Variants in HDAC9 observed in about 807,000 individuals in gnomAD.
HDAC9 encodes the protein histone deacetylase 9, also known as MEF-2 interacting transcription repressor (MITR) protein.
HDAC9 carries 41 observed loss-of-function variants against 139.4 expected under a neutral mutation model. The observed-to-expected ratio is 0.29, with a 90% confidence interval of 0.23 to 0.38. The LOEUF (loss-of-function observed/expected upper bound fraction) is 0.38, where lower values mean the gene tolerates loss of function less well. Among genes scored for constraint, HDAC9 ranks in the 10% least tolerant of loss-of-function variants. The pLI, the probability that HDAC9 is intolerant of heterozygous loss-of-function variation, is 1.00. For missense variants in HDAC9, 1,147 were observed against 1,297.0 expected, an observed-to-expected ratio of 0.88 and a Z score of 1.78; for synonymous variants, 517 against 476.2, an observed-to-expected ratio of 1.09 and a Z score of -1.12.
At chr7:18,942,960 A>G (rs984407116) in intron 23 of HDAC9, among the ~76,000 whole-genome samples, 1 of 152,074 alleles carries the variant, frequency 6.6e-6, no homozygotes, top group Non-Finnish European at 1.5e-5. Context: ...AATTAAAGAA[A>G]ATATTGAAAA....
At chr7:18,294,124 C>G (rs143805306) in intron 1 of HDAC9, among the ~76,000 whole-genome samples, 15 of 152,172 alleles carry the variant, frequency 9.9e-5, no homozygotes, top group African/African-American at 3.6e-4. Context: ...TTTGTGCCCT[C>G]AGAAAATTCA....
At chr7:18,985,458 C>A (rs1225830868) in intron 25 of HDAC9, among the ~76,000 whole-genome samples, 4 of 152,134 alleles carry the variant, frequency 2.6e-5, no homozygotes, top group East Asian at 3.9e-4. Flanking sequence ...TTTTCTTAAT[C>A]CAGTCTATCA....
At chr7:18,624,611 T>C (rs1841135076) in intron 6 of HDAC9, among the ~76,000 whole-genome samples, 1 of 152,086 alleles carries the variant, frequency 6.6e-6, no homozygotes, top group African/African-American at 2.4e-5. Flanking sequence ...GATCTTTTTC[T>C]GGGCTCTGAG....
intron 17 of HDAC9, among the ~76,000 whole-genome samples, chr7:18,822,889 A>C (rs1163147415): frequency 6.6e-6 from 1 of 152,206 alleles, no homozygotes; most frequent in African/African-American, 2.4e-5. Context: ...TGGGCAATAA[A>C]ATATTAGATT....
intron 25 of HDAC9, among the ~76,000 whole-genome samples, chr7:18,985,116 A>C (rs1489102203): frequency 6.6e-6 from 1 of 152,030 alleles, no homozygotes; most frequent in Non-Finnish European, 1.5e-5. Context: ...GTACATGTGC[A>C]CAATGTGCAG....
At chr7:18,118,265 G>A (rs1019380508) in intron 1 of HDAC9, among the ~76,000 whole-genome samples, 2 of 152,178 alleles carry the variant, frequency 1.3e-5, no homozygotes, top group African/African-American at 2.4e-5. Flanking sequence ...ACTTGAACAT[G>A]AGAGTCAGAA....
At chr7:18,185,622 CT>C (rs541605957) in intron 2 of HDAC9, among the ~76,000 whole-genome samples, 43 of 152,030 alleles carry the variant, frequency 2.8e-4, no homozygotes, top group African/African-American at 8.4e-4. Context: ...TAAAAAGCCC[CT>C]TTTTTTTCTC....
intron 2 of HDAC9, among the ~76,000 whole-genome samples, chr7:18,252,375 C>T (rs1301018885): frequency 6.6e-6 from 1 of 152,118 alleles, no homozygotes; most frequent in Admixed American, 6.6e-5. Context: ...AAAATGTGAA[C>T]ATCACACATG....
chr7:18,489,228 G>T (rs1240752880), intron 1 of HDAC9, among the ~76,000 whole-genome samples: 3 of 151,920 alleles, frequency 2.0e-5, no homozygotes, highest in South Asian at 2.1e-4. Context: ...ATTTTTTCAA[G>T]TTGATGCATG....
intron 1 of HDAC9, among the ~76,000 whole-genome samples, chr7:18,134,368 G>A (rs540587147): frequency 5.5e-4 from 83 of 152,180 alleles, no homozygotes; most frequent in African/African-American, 1.6e-3. Flanking sequence ...GCCATTGGAT[G>A]ACCATATAAA....
intron 1 of HDAC9, among the ~76,000 whole-genome samples, chr7:18,141,203 T>G (rs770257083): frequency 6.6e-6 from 1 of 152,220 alleles, no homozygotes; most frequent in Non-Finnish European, 1.5e-5. Context: ...TCAGTACATC[T>G]GAATGAGGTG....
At chr7:18,901,372 T>C (rs1337523340) in intron 22 of HDAC9, among the ~76,000 whole-genome samples, 1 of 151,998 alleles carries the variant, frequency 6.6e-6, no homozygotes, top group Admixed American at 6.6e-5. Flanking sequence ...TCCTCTTTTT[T>C]CCAAACGCCT....
chr7:18,941,484 C>T (rs1453108097), intron 23 of HDAC9, among the ~76,000 whole-genome samples: 2 of 152,108 alleles, frequency 1.3e-5, no homozygotes. Flanking sequence ...AGTTGCTCAT[C>T]AGGGGTTTGT....
chr7:18,385,174 G>T (rs1001081999), intron 1 of HDAC9, among the ~76,000 whole-genome samples: 44 of 151,972 alleles, frequency 2.9e-4, no homozygotes, highest in African/African-American at 1.0e-3. Flanking sequence ...TGTGTGATAG[G>T]CACCTTACTG....
chr7:18,441,894 A>G (rs540469847), intron 1 of HDAC9, among the ~76,000 whole-genome samples: 11 of 152,140 alleles, frequency 7.2e-5, no homozygotes, highest in Middle Eastern at 3.4e-3. Context: ...CAGCCTCCCG[A>G]GTAGCTGGGA....
In HDAC9 at chr7:18,159,202, C is replaced by T. The variant is rs79877922; in HGVS notation, c.-96-3027C>T. ...ATTCATTGAAACCATTAATTGGAAG[C>T]AGATATACTTCTATTACATGTTTTG... On this transcript the variant is annotated intron_variant, in intron 1 of 12. Coordinates refer to the HDAC9 transcript ENST00000417496. Among the ~76,000 whole-genome samples the T allele has an allele frequency of 4.1e-4, 63 of 152,260 alleles. No individual in the cohort carries two copies. In the East Asian group the frequency reaches 0.01, roughly 25 times the overall value.
intron 1 of HDAC9, among the ~76,000 whole-genome samples, chr7:18,469,680 A>T (rs1794579679): frequency 6.6e-6 from 1 of 152,180 alleles, no homozygotes. Flanking sequence ...TTCTATCAAC[A>T]TTTTATGAGT....
Position 18,105,734 on chromosome 7 carries a change from C to T in HDAC9, c.-97+18521C>T, listed in dbSNP as rs148250421. Among the ~76,000 whole-genome samples the T allele has an allele frequency of 1.3e-3, 196 of 151,952 alleles. 1 individual carries two copies. Among genetic ancestry groups the T allele is most frequent in the Non-Finnish European group, 2.2e-3 (148 of 67,980 alleles). On this transcript the variant is annotated intron_variant, in intron 1 of 12. Transcript: ENST00000417496. ...AGAGTTACTATATTAGCTAGGTATA[C>T]ACCCAAAAGAATTGAAAACATATTT...
At chr7:18,588,373 T>C (rs1830029585) in intron 3 of HDAC9, among the ~76,000 whole-genome samples, 1 of 152,156 alleles carries the variant, frequency 6.6e-6, no homozygotes. Flanking sequence ...TTTTGGATTT[T>C]TTTTTCTGGA....
Sources: gnomAD v4.1 joint callset for allele counts (sites outside exome capture counted in the v4.1 genomes callset) on GRCh38, gnomAD v4.1.1 for gene constraint, MANE v1.5 for transcripts, NCBI Gene and HGNC (gene_info 2026-07-23, HGNC 2026-07-21) for gene names.